Variants in IQCH observed in about 807,000 individuals in gnomAD.
IQCH encodes the protein IQ motif containing H.
A neutral mutation model predicts 117.0 loss-of-function variants in IQCH; 98 were observed. The ratio of observed to expected loss-of-function variants is 0.84; its 90% confidence interval spans 0.71 to 0.99. The LOEUF (loss-of-function observed/expected upper bound fraction) is 0.99. Ranked by LOEUF, IQCH falls within the 50% of genes least tolerant of loss-of-function variation. The pLI, the probability that IQCH is intolerant of heterozygous loss-of-function variation, is 0.00. For synonymous variants in IQCH, 412 were observed against 448.2 expected (o/e 0.92, Z 1.02); for missense variants, 1,102 against 1,243.8 (o/e 0.89, Z 1.72).
In IQCH at chr15:67,490,005, A is replaced by T. The variant is rs779074412; in HGVS notation, c.2802A>T (p.Glu934Asp). ...RAHGIGYDVE[E>D]RQGTVFILYE... ...TTCTCCCCATTCAAATTTTACAGGAAAGGCAAGGAACTGTTTTTATATTAT... is the reference window on the plus strand; with the variant it reads ...TTCTCCCCATTCAAATTTTACAGGATAGGCAAGGAACTGTTTTTATATTAT... The change falls in exon 19 of 21, where the codon GAA (glutamate) becomes GAT (aspartate). Residue 934 changes from glutamate to aspartate, a missense_variant and splice_region_variant. By Grantham distance (45) the Glu-to-Asp change is conservative. Around this residue, in one of 2 missense-constraint regions of IQCH, gnomAD observed 650 missense variants for 794.3 expected, o/e 0.82. Coordinates refer to ENST00000335894, the MANE Select transcript of IQCH (RefSeq NM_001031715.3). The surrounding 1 kb of genome is among the most constrained non-coding windows in gnomAD (Gnocchi z 4.9). 9 of 1,605,476 alleles carry T rather than the reference A, an allele frequency of 5.6e-6. No individual in the cohort carries two copies. The South Asian group carries it at 9.9e-5, about 18-fold the overall frequency.
chr15:67,409,437 G>T lies in IQCH; in HGVS notation c.2098-7494G>T, dbSNP rs59778056. Among the ~76,000 whole-genome samples the T allele has an allele frequency of 4.0e-3, 614 of 152,282 alleles. 7 individuals carry two copies. The highest frequency in any genetic ancestry group is 0.014 in the African/African-American group (588 of 41,548). ...GGAATGAACCTCTCTAGTGTTTGTG[G>T]TCGGGGGCAAAGCAGTTGTGCTGAG... On this transcript the variant is annotated intron_variant, in intron 14 of 20. Coordinates refer to ENST00000335894, the MANE Select transcript of IQCH (RefSeq NM_001031715.3).
In IQCH at chr15:67,393,883, G is replaced by C. The variant is rs1971370025; in HGVS notation, c.1633-1408G>C. Among the ~76,000 whole-genome samples, 2 of 152,066 alleles carry C rather than the reference G, an allele frequency of 1.3e-5. No individual in the cohort carries two copies. The highest frequency in any genetic ancestry group is 1.3e-4 in the Admixed American group (2 of 15,264). ...TTACCATTTGTTGAGTATCAATGCT[G>C]TGTATTATACTAGGTATTTTACATT... On this transcript the variant is annotated intron_variant, in intron 12 of 20. Coordinates refer to ENST00000335894, the MANE Select transcript of IQCH (RefSeq NM_001031715.3). The surrounding 1 kb of genome is among the most constrained non-coding windows in gnomAD (Gnocchi z 5.5).
intron 3 of IQCH, among the ~76,000 whole-genome samples, chr15:67,272,675 A>G (rs974631494): frequency 6.6e-6 from 1 of 152,226 alleles, no homozygotes; most frequent in Non-Finnish European, 1.5e-5. Flanking sequence ...TTAATGATAT[A>G]ATGACCTTCT....
intron 4 of IQCH, among the ~76,000 whole-genome samples, chr15:67,336,401 A>G (rs1968893737): frequency 6.6e-6 from 1 of 152,318 alleles, no homozygotes; most frequent in East Asian, 1.9e-4. Context: ...TTTAATAGAA[A>G]CAATTCATAT....
At chr15:67,435,032 T>G (rs932428627) in intron 16 of IQCH, among the ~76,000 whole-genome samples, 3 of 151,566 alleles carry the variant, frequency 2.0e-5, no homozygotes, top group African/African-American at 7.3e-5. Flanking sequence ...AATTTTTGTA[T>G]TTTTAGTAGA....
rs1259017810 is a variant in IQCH at position 67,474,071 on chromosome 15, T to TGTGC, written c.2677-1622_2677-1621insCGTG. Among the ~76,000 whole-genome samples the TGTGC allele has an allele frequency of 3.5e-5, 5 of 144,056 alleles. No homozygotes were observed. Among genetic ancestry groups the TGTGC allele is most frequent in the African/African-American group, 1.3e-4 (5 of 37,828 alleles). 94.5% of individuals were successfully genotyped at this position (144,056 alleles called of 152,430 possible). A position where few individuals can be genotyped will look rare whatever the true frequency, so the allele number is the denominator to read the frequency against. On this transcript the variant is annotated intron_variant, in intron 17 of 20. Transcript: ENST00000335894. This position sits in a 1 kb window ranked among gnomAD's most constrained non-coding sequence, Gnocchi z 4.1. ...CCAAAAGTGCCACGAAATCTGAGTG[T>TGTGC]GTGTGTGTGTGTGTGTGTGTGTGTG...
At chr15:67,492,933 C>T (rs2141097866) in intron 19 of IQCH, among the ~76,000 whole-genome samples, 1 of 152,268 alleles carries the variant, frequency 6.6e-6, no homozygotes, top group East Asian at 1.9e-4. Context: ...CTGAAGCCTA[C>T]AGAATTAATA....
intron 4 of IQCH, among the ~76,000 whole-genome samples, chr15:67,334,667 T>G (rs906927272): frequency 1.8e-4 from 27 of 149,980 alleles, no homozygotes; most frequent in African/African-American, 6.3e-4. Flanking sequence ...CAGGGTTGGG[T>G]CCCAGGGTTG....
chr15:67,345,943 C>T (rs1359878700), intron 6 of IQCH, among the ~76,000 whole-genome samples: 7 of 152,106 alleles, frequency 4.6e-5, no homozygotes. Flanking sequence ...ATCATCTTTG[C>T]AACTTTTCTG....
At chr15:67,399,199 C>T (rs954622994) in intron 13 of IQCH, among the ~76,000 whole-genome samples, 4 of 152,168 alleles carry the variant, frequency 2.6e-5, no homozygotes, top group African/African-American at 7.2e-5. Flanking sequence ...TACTCTGCTA[C>T]TCAATGCTGT....
At position 67,407,649 on chromosome 15, in the gene IQCH, A is replaced by T. The variant is rs1971959763; in HGVS notation, c.2097+7344A>T. On this transcript the variant is annotated intron_variant, in intron 14 of 20. Coordinates refer to ENST00000335894, the MANE Select transcript of IQCH (RefSeq NM_001031715.3). The surrounding 1 kb of genome is among the most constrained non-coding windows in gnomAD (Gnocchi z 5.3). ...CATAAAGCTATGGGCCTGCAGTGTTAATTTTTAATATGCTTACAAAGTACC... is the reference window on the plus strand; with the variant it reads ...CATAAAGCTATGGGCCTGCAGTGTTTATTTTTAATATGCTTACAAAGTACC... 1 of 152,148 alleles carries T rather than the reference A, an allele frequency of 6.6e-6. No homozygotes were observed. Among genetic ancestry groups the T allele is most frequent in the Non-Finnish European group, 1.5e-5 (1 of 68,020 alleles). The allele number at this position is 152,148 out of a possible 1,614,324, so 9.4% of individuals were successfully genotyped here.
intron 4 of IQCH, among the ~76,000 whole-genome samples, chr15:67,336,639 A>G (rs1968903962): frequency 6.6e-6 from 1 of 152,192 alleles, no homozygotes; most frequent in East Asian, 1.9e-4. Context: ...ACTTTGCTGT[A>G]TTCAAAACCT....
chr15:67,256,156 A>G (rs1326752023), intron 1 of IQCH, among the ~76,000 whole-genome samples: 1 of 152,226 alleles, frequency 6.6e-6, no homozygotes, highest in Non-Finnish European at 1.5e-5. Context: ...TAGTGAAGGC[A>G]TACAAATTAA....
In IQCH at chr15:67,337,113, C is replaced by G; in HGVS notation, c.508+18C>G. 2 of 1,612,286 alleles carry G rather than the reference C, an allele frequency of 1.2e-6. No homozygotes were observed. The highest frequency in any genetic ancestry group is 1.7e-6 in the Non-Finnish European group (2 of 1,178,992). ...CCACAAAGGTTAGTGATTCAATAGC[C>G]ATTTTACGTGTTTAGGAACGGAAAA... On this transcript the variant is annotated intron_variant, in intron 5 of 20. Coordinates refer to ENST00000335894, the MANE Select transcript of IQCH (RefSeq NM_001031715.3).
chr15:67,389,777 G>A (rs575271695), intron 12 of IQCH, among the ~76,000 whole-genome samples: 41 of 150,978 alleles, frequency 2.7e-4, no homozygotes, highest in African/African-American at 9.0e-4. Flanking sequence ...AAAGTCAACT[G>A]TCTCTCTATC....
intron 6 of IQCH, among the ~76,000 whole-genome samples, chr15:67,354,745 A>G (rs1226001873): frequency 1.3e-5 from 2 of 152,226 alleles, no homozygotes; most frequent in African/African-American, 4.8e-5. Context: ...CTCGTACACA[A>G]GAAATTGGGA....
rs2082138887 is a variant in IQCH at position 67,436,453 on chromosome 15, C to T, written c.2505+14876C>T. 6.6e-6 allele frequency among the ~76,000 whole-genome samples: 1 copy of T among 152,192 alleles called. No individual in the cohort carries two copies. The highest frequency in any genetic ancestry group is 2.1e-4 in the South Asian group (1 of 4,834). ...CCCCTAGCAGCCCATTTCTGCCTGG[C>T]ACCACAGGGATCCATCAGGACGGTG... On this transcript the variant is annotated intron_variant, in intron 16 of 20. Transcript: ENST00000335894. The surrounding 1 kb of genome is among the most constrained non-coding windows in gnomAD (Gnocchi z 5.1).
chr15:67,374,628 A>G (rs1970677268), intron 10 of IQCH, among the ~76,000 whole-genome samples: 1 of 152,134 alleles, frequency 6.6e-6, no homozygotes, highest in African/African-American at 2.4e-5. Flanking sequence ...CATTGCACAG[A>G]GCCTTTTAGT....
chr15:67,492,166 T>A (rs2083673446), intron 19 of IQCH, among the ~76,000 whole-genome samples: 1 of 152,076 alleles, frequency 6.6e-6, no homozygotes, highest in Non-Finnish European at 1.5e-5. Context: ...AATAAGAAAT[T>A]TGTATTTTCC....
Sources: gnomAD v4.1 joint callset for allele counts (sites outside exome capture counted in the v4.1 genomes callset) on GRCh38, gnomAD v4.1.1 for gene constraint, gnomAD v4.1.1 regional missense constraint, Gnocchi (gnomAD v3.1) non-coding constraint, MANE v1.5 for transcripts, NCBI Gene and HGNC (gene_info 2026-07-23, HGNC 2026-07-21) for gene names.